Variants in CELF2 observed in about 807,000 individuals in gnomAD.
CELF2 encodes CUG triplet repeat RNA-binding protein 2.
Under a neutral mutation model 62.6 loss-of-function variants are expected in CELF2, and 8 were observed. That is an observed-to-expected ratio of 0.13 (90% CI 0.07 to 0.23). CELF2 has a LOEUF of 0.23. Among genes scored for constraint, CELF2 ranks in the 10% least tolerant of loss-of-function variants. The probability of loss-of-function intolerance (pLI) is 1.00; values close to 1 mark genes in which losing one functional copy is unlikely to be tolerated. For missense variants in CELF2, 333 were observed against 671.0 expected, an observed-to-expected ratio of 0.50 and a Z score of 5.56; for synonymous variants, 258 against 250.0, an observed-to-expected ratio of 1.03 and a Z score of -0.30.
the CELF2 span, among the ~76,000 whole-genome samples, chr10:10,709,656 A>G: frequency 6.6e-6 from 1 of 152,186 alleles, no homozygotes; most frequent in Non-Finnish European, 1.5e-5. Context: ...GGAAGTTTAA[A>G]TGTTTTCCTT....
At chr10:10,631,344 G>T in the CELF2 span, among the ~76,000 whole-genome samples, 3 of 152,184 alleles carry the variant, frequency 2.0e-5, no homozygotes, top group African/African-American at 4.8e-5. Context: ...TTCTGTGCAG[G>T]CATGGAGGTG....
chr10:10,694,205 T>G, the CELF2 span, among the ~76,000 whole-genome samples: 3 of 152,244 alleles, frequency 2.0e-5, no homozygotes, highest in Middle Eastern at 6.8e-3. Flanking sequence ...GATTCTGGTA[T>G]GTTGTGTCTT....
At chr10:10,866,392 G>A (rs1334201762) in intron 1 of CELF2, among the ~76,000 whole-genome samples, 6 of 151,242 alleles carry the variant, frequency 4.0e-5, no homozygotes. Context: ...GATGACTTGA[G>A]GCCAGGAGTT....
At chr10:10,994,856 G>A (rs561989393) in intron 2 of CELF2, among the ~76,000 whole-genome samples, 2 of 151,910 alleles carry the variant, frequency 1.3e-5, no homozygotes, top group African/African-American at 4.8e-5. Flanking sequence ...CTTCTATTCA[G>A]GCTTTCTTTT....
In CELF2 at chr10:11,117,176, A is replaced by G. The variant is rs1227910097; in HGVS notation, c.75-48310A>G. Among the ~76,000 whole-genome samples, 2 of 152,232 alleles carry G rather than the reference A, an allele frequency of 1.3e-5. No individual in the cohort carries two copies. The highest frequency in any genetic ancestry group is 2.9e-5 in the Non-Finnish European group (2 of 68,038). ...GTGATAACCTATTTTATTCCTTTAT[A>G]TCATCCCGCTCTACTCACATCTTTT... On this transcript the variant is annotated intron_variant, in intron 1 of 12. Coordinates refer to ENST00000633077, the MANE Select transcript of CELF2 (RefSeq NM_001326342.2). This position sits in a 1 kb window ranked among gnomAD's most constrained non-coding sequence, Gnocchi z 4.1.
At chr10:11,061,186 C>G (rs2066645146) in intron 1 of CELF2, among the ~76,000 whole-genome samples, 2 of 152,180 alleles carry the variant, frequency 1.3e-5, no homozygotes, top group Non-Finnish European at 2.9e-5. Flanking sequence ...AAGTGCTGTT[C>G]CCATGAACAT....
In CELF2 at chr10:11,211,145, G is replaced by A. The variant is rs1226962492; in HGVS notation, c.272-6280G>A. ...ATTTAAAAATTAGCCTGGTGTAGTG[G>A]CACATGCCTGCAGTCCTGGATACTC... On this transcript the variant is annotated intron_variant, in intron 2 of 12. Coordinates refer to ENST00000633077, the MANE Select transcript of CELF2 (RefSeq NM_001326342.2). This position sits in a 1 kb window ranked among gnomAD's most constrained non-coding sequence, Gnocchi z 4.8. Among the ~76,000 whole-genome samples, 1 of 152,256 alleles carries A rather than the reference G, an allele frequency of 6.6e-6. No homozygotes were observed. Among genetic ancestry groups the A allele is most frequent in the East Asian group, 1.9e-4 (1 of 5,178 alleles).
chr10:11,334,217 G>C lies in CELF2; in HGVS notation c.*5164G>C, dbSNP rs1306085125. The C allele has an allele frequency of 6.6e-6, 1 of 152,620 alleles. No homozygotes were observed. The highest frequency in any genetic ancestry group is 1.5e-5 in the Non-Finnish European group (1 of 68,034). The allele number at this position is 152,620 out of a possible 1,614,324, so 9.5% of individuals were successfully genotyped here. ...TTAGGGTTTGCTTTTTTGCTGTTTAGATCAAAGTTTTTTCTGATTCTTCTG... is the reference window on the plus strand; with the variant it reads ...TTAGGGTTTGCTTTTTTGCTGTTTACATCAAAGTTTTTTCTGATTCTTCTG... On this transcript the variant is annotated 3_prime_UTR_variant, in exon 13 of 13. Coordinates refer to ENST00000633077, the MANE Select transcript of CELF2 (RefSeq NM_001326342.2).
rs544882035 is a variant in CELF2 at position 11,255,043 on chromosome 10, G to C, written c.404-2695G>C. Among the ~76,000 whole-genome samples the C allele has an allele frequency of 3.2e-4, 49 of 152,232 alleles. No individual in the cohort carries two copies. Among genetic ancestry groups the C allele is most frequent in the African/African-American group, 1.1e-3 (46 of 41,532 alleles). ...GTAGACGGCCTGCAGCAGGTGGTGTGGACGGCCTGCAGGTACACTCGTTGC... is the reference window on the plus strand; with the variant it reads ...GTAGACGGCCTGCAGCAGGTGGTGTCGACGGCCTGCAGGTACACTCGTTGC... On this transcript the variant is annotated intron_variant, in intron 4 of 12. Transcript: ENST00000633077. The surrounding 1 kb of genome is among the most constrained non-coding windows in gnomAD (Gnocchi z 5.5).
At chr10:11,204,745 C>T (rs2060033460) in intron 2 of CELF2, among the ~76,000 whole-genome samples, 1 of 152,242 alleles carries the variant, frequency 6.6e-6, no homozygotes, top group South Asian at 2.1e-4. Flanking sequence ...GCCTGACACA[C>T]ATGGTGGTCT....
chr10:10,780,954 A>G, the CELF2 span, among the ~76,000 whole-genome samples: 1 of 152,256 alleles, frequency 6.6e-6, no homozygotes, highest in Non-Finnish European at 1.5e-5. Context: ...CTTGGGGCTC[A>G]GCAGGTTTCA....
At chr10:10,758,124 G>A in the CELF2 span, among the ~76,000 whole-genome samples, 2 of 152,194 alleles carry the variant, frequency 1.3e-5, no homozygotes, top group Non-Finnish European at 2.9e-5. Context: ...TCTCTGTGTT[G>A]AGAGATTTCA....
chr10:10,490,662 A>G, the CELF2 span, among the ~76,000 whole-genome samples: 1 of 152,124 alleles, frequency 6.6e-6, no homozygotes, highest in Non-Finnish European at 1.5e-5. Flanking sequence ...AATAAAGAAG[A>G]GCAGAAAAAA....
chr10:10,674,679 A>G, the CELF2 span, among the ~76,000 whole-genome samples: 1 of 152,216 alleles, frequency 6.6e-6, no homozygotes, highest in Admixed American at 6.5e-5. Flanking sequence ...TTCTTAGAAG[A>G]TTAGTTATAC....
chr10:10,878,782 C>T (rs867308123), intron 1 of CELF2, among the ~76,000 whole-genome samples: 1 of 152,158 alleles, frequency 6.6e-6, no homozygotes, highest in African/African-American at 2.4e-5. Flanking sequence ...TCTTTGCCCG[C>T]AAACACACAG....
At chr10:11,034,501 T>A (rs2060644898) in intron 1 of CELF2, among the ~76,000 whole-genome samples, 1 of 151,892 alleles carries the variant, frequency 6.6e-6, no homozygotes, top group South Asian at 2.1e-4. Context: ...GTTAAAAATA[T>A]TTCATGTGTT....
rs2057517213 is a variant in CELF2 at position 11,017,898 on chromosome 10, G to C, written c.-192G>C. 15 of 968,286 alleles carry C rather than the reference G, an allele frequency of 1.5e-5. No homozygotes were observed. The highest frequency in any genetic ancestry group is 1.8e-5 in the Non-Finnish European group (15 of 816,544). The allele number at this position is 968,286 out of a possible 1,614,324, so 60.0% of individuals were successfully genotyped here. A position where few individuals can be genotyped will look rare whatever the true frequency, so the allele number is the denominator to read the frequency against. On this transcript the variant is annotated 5_prime_UTR_variant, in exon 1 of 13. Transcript: ENST00000633077. This position sits in a 1 kb window ranked among gnomAD's most constrained non-coding sequence, Gnocchi z 5.5. Reference sequence around the variant, plus strand: ...CCCCCGCCCGCCGCACCTGGCGCTCGGCAGCCGGCCGCCCCGGCGCTGGAT... The same window carrying C: ...CCCCCGCCCGCCGCACCTGGCGCTCCGCAGCCGGCCGCCCCGGCGCTGGAT...
the CELF2 span, among the ~76,000 whole-genome samples, chr10:10,462,615 C>CTTTTTTTTTTTTTTTTTTTTTTTTTTTT: frequency 1.0e-4 from 7 of 69,418 alleles, no homozygotes; most frequent in African/African-American, 1.7e-4. Flanking sequence ...TTTTTTTCAT[C>CTTTTTTTTTTTTTTTTTTTTTTTTTTTT]TTTTTTTTTT....
rs559370441 is a variant in CELF2 at position 11,240,863 on chromosome 10, C to T, written c.355-8290C>T. Among the ~76,000 whole-genome samples the T allele has an allele frequency of 3.5e-4, 54 of 152,302 alleles. 1 individual carries two copies. In the South Asian group the frequency reaches 9.8e-3, roughly 28 times the overall value. ...TTCTTAGAAACCCCAAACTTATTTA[C>T]ACCACAACTGTGTGGATGCACATGA... On this transcript the variant is annotated intron_variant, in intron 3 of 12. Transcript: ENST00000633077.
Sources: allele counts gnomAD v4.1 joint callset (sites outside exome capture counted in the v4.1 genomes callset), GRCh38; gene constraint gnomAD v4.1.1; non-coding constraint Gnocchi (gnomAD v3.1); transcripts MANE v1.5; gene names NCBI Gene and HGNC (gene_info 2026-07-23, HGNC 2026-07-21).